The following COL4A2 variants were observed in gnomAD, a reference collection of about 807,000 sequenced individuals.
The protein encoded by COL4A2 is collagen alpha-2(IV) chain.
A neutral mutation model predicts 200.2 loss-of-function variants in COL4A2; 99 were observed. The ratio of observed to expected loss-of-function variants is 0.49; its 90% CI spans 0.42 to 0.58. COL4A2 has a LOEUF of 0.58. Ranked by LOEUF, COL4A2 falls within the 20% of genes least tolerant of loss-of-function variation. COL4A2 has a pLI of 0.00. For synonymous variants in COL4A2, 897 were observed against 900.6 expected (o/e 1.00, Z 0.07); for missense variants, 1,950 against 2,314.1 (o/e 0.84, Z 3.23).
At position 110,355,774 on chromosome 13, in the gene COL4A2, GT is replaced by G. The variant is rs1333265853; in HGVS notation, c.100-1697del. ...GAGGGCTGCACTAGCTCACCTGTGT[GT>G]GGGGGTGGAGGGCTGTACAGCTCAC... On this transcript the variant is annotated intron_variant, in intron 3 of 47. Transcript: ENST00000360467. Among the ~76,000 whole-genome samples the G allele has an allele frequency of 6.0e-5, 4 of 67,056 alleles. 1 individual carries two copies. Among genetic ancestry groups the G allele is most frequent in the Non-Finnish European group, 1.0e-4 (4 of 39,398 alleles). 44.0% of individuals were successfully genotyped at this position (67,056 alleles called of 152,430 possible). A position where few individuals can be genotyped will look rare whatever the true frequency, so the allele number is the denominator to read the frequency against.
At chr13:110,506,030 C>T (rs948634074) in intron 45 of COL4A2, among the ~76,000 whole-genome samples, 2 of 152,198 alleles carry the variant, frequency 1.3e-5, no homozygotes, top group Admixed American at 1.3e-4. Context: ...ACAGACTGAG[C>T]CCCAAGATCT....
chr13:110,340,766 C>A (rs1231141919), intron 3 of COL4A2, among the ~76,000 whole-genome samples: 1 of 152,126 alleles, frequency 6.6e-6, no homozygotes, highest in African/African-American at 2.4e-5. Flanking sequence ...CTGTTAAGTT[C>A]CCCGAGAGCA....
intron 4 of COL4A2, among the ~76,000 whole-genome samples, chr13:110,386,832 G>A (rs1214608832): frequency 1.3e-5 from 2 of 152,126 alleles, no homozygotes; most frequent in African/African-American, 2.4e-5. Context: ...GTGAAAGGAC[G>A]TGCGAAACCC....
At position 110,307,483 on chromosome 13, in the gene COL4A2, G is replaced by A. The variant is rs1884807447; in HGVS notation, c.-90G>A. On this transcript the variant is annotated 5_prime_UTR_variant, in exon 1 of 48. Coordinates refer to ENST00000360467, the MANE Select transcript of COL4A2 (RefSeq NM_001846.4). This position sits in a 1 kb window ranked among gnomAD's most constrained non-coding sequence, Gnocchi z 5.0. ...GGTGTGCCGCCGGCGGGTGCTTCTGGAAGGGCCAATGCGTTCGGGCAGCAG... is the reference window on the plus strand; with the variant it reads ...GGTGTGCCGCCGGCGGGTGCTTCTGAAAGGGCCAATGCGTTCGGGCAGCAG... 1 of 222,130 alleles carries A rather than the reference G, an allele frequency of 4.5e-6. No homozygotes were observed. The highest frequency in any genetic ancestry group is 1.4e-3 in the Middle Eastern group (1 of 726). 13.8% of individuals were successfully genotyped at this position (222,130 alleles called of 1,614,324 possible). A position where few individuals can be genotyped will look rare whatever the true frequency, so the allele number is the denominator to read the frequency against.
intron 22 of COL4A2, chr13:110,461,878 C>G (rs539538495): frequency 1.7e-6 from 1 of 598,544 alleles, no homozygotes; most frequent in East Asian, 2.8e-5. Context: ...CCATCCAGTT[C>G]CTCAGTCCCA....
chr13:110,458,215 C>T (rs1250741409), intron 21 of COL4A2: 1 of 441,402 alleles, frequency 2.3e-6, no homozygotes, highest in Non-Finnish European at 4.7e-6. Flanking sequence ...ACTGGGCATC[C>T]TCTGTGCCCT....
chr13:110,358,429 A>G (rs1877379392), intron 4 of COL4A2, among the ~76,000 whole-genome samples: 1 of 152,220 alleles, frequency 6.6e-6, no homozygotes, highest in East Asian at 1.9e-4. Context: ...GCTATTTTAC[A>G]GTTAACATAT....
rs1883058925 is a variant in COL4A2, at chr13:110,484,888, A to T, written c.2903-17A>T. 1 of 1,590,856 alleles carries T rather than the reference A, an allele frequency of 6.3e-7. No homozygotes were observed. The highest frequency in any genetic ancestry group is 1.7e-5 in the Admixed American group (1 of 57,328). The stretch of plus-strand genomic sequence containing the variant: ...TCTGGAGCCCCCAGAAAATGACAGC[A>T]CTCTATTCCCTTCCAGGCAGCCGAG... On this transcript the variant is annotated splice_polypyrimidine_tract_variant and intron_variant, in intron 32 of 47. Transcript: ENST00000360467.
intron 4 of COL4A2, among the ~76,000 whole-genome samples, chr13:110,385,487 A>T: frequency 7.0e-6 from 1 of 143,514 alleles, no homozygotes; most frequent in Non-Finnish European, 1.6e-5. Context: ...CAGTGTGTGG[A>T]TAGGCCGTGG....
At chr13:110,480,538 C>T in intron 31 of COL4A2, 148 bp downstream of exon 31, 2 of 808,596 alleles carry the variant, frequency 2.5e-6, no homozygotes, top group Non-Finnish European at 3.7e-6. Context: ...CTCTCCTGAC[C>T]TAGGAGACAG....
At chr13:110,425,094 T>C (rs1594206852) in intron 6 of COL4A2, 97 bp downstream of exon 6, 1 of 1,472,834 alleles carries the variant, frequency 6.8e-7, no homozygotes, top group East Asian at 2.3e-5. Flanking sequence ...GACCTCCTTT[T>C]TTGTTTATGA....
chr13:110,487,091 C>A (rs1883142029), intron 34 of COL4A2, among the ~76,000 whole-genome samples: 1 of 152,238 alleles, frequency 6.6e-6, no homozygotes, highest in Admixed American at 6.5e-5. Context: ...CCTCCCCTCA[C>A]TCCCAAAATC....
chr13:110,408,986 G>GCA (rs137877641), intron 4 of COL4A2, among the ~76,000 whole-genome samples: 22,658 of 31,456 alleles, frequency 0.72, 7,784 homozygotes, highest in South Asian at 0.76. Context: ...ACACACACAT[G>GCA]CACACACGCA....
chr13:110,468,192 A>C (rs1315948561), intron 27 of COL4A2: 6 of 471,276 alleles, frequency 1.3e-5, no homozygotes, highest in African/African-American at 1.0e-4. Context: ...CACCGTGATC[A>C]CAGGGCCTGG....
intron 4 of COL4A2, among the ~76,000 whole-genome samples, chr13:110,367,972 T>A (rs1404599103): frequency 1.3e-5 from 2 of 152,086 alleles, no homozygotes. Context: ...GTCCAGAAAA[T>A]TCAAGCAAAA....
intron 4 of COL4A2, among the ~76,000 whole-genome samples, chr13:110,411,015 C>G (rs900106499): frequency 6.6e-6 from 1 of 152,204 alleles, no homozygotes; most frequent in Non-Finnish European, 1.5e-5. Context: ...GCCTTCTTCT[C>G]GATGCTCTTA....
chr13:110,436,008 GA>G (rs1380574003), intron 12 of COL4A2: 2 of 560,330 alleles, frequency 3.6e-6, no homozygotes, highest in Non-Finnish European at 6.4e-6. Flanking sequence ...CAACCCCACA[GA>G]AACAAATGCA....
chr13:110,364,399 A>T (rs556930236), intron 4 of COL4A2, among the ~76,000 whole-genome samples: 32 of 152,264 alleles, frequency 2.1e-4, no homozygotes, highest in Non-Finnish European at 3.1e-4. Flanking sequence ...TCAAATCCTC[A>T]ATGGTGTTAT....
chr13:110,403,309 C>G (rs1474539723), intron 4 of COL4A2, among the ~76,000 whole-genome samples: 2 of 152,208 alleles, frequency 1.3e-5, no homozygotes, highest in Non-Finnish European at 2.9e-5. Flanking sequence ...TCTGTTTACA[C>G]TTTACTATAG....
Sources: gnomAD v4.1 joint callset for allele counts (sites outside exome capture counted in the v4.1 genomes callset) on GRCh38, gnomAD v4.1.1 for gene constraint, Gnocchi (gnomAD v3.1) non-coding constraint, MANE v1.5 for transcripts, NCBI Gene and HGNC (gene_info 2026-07-23, HGNC 2026-07-21) for gene names.